CHRNA7: variants seen among roughly 807,000 people sequenced by gnomAD.
CHRNA7 encodes the protein neuronal acetylcholine receptor subunit alpha-7.
A neutral mutation model predicts 48.0 loss-of-function variants in CHRNA7; 17 were observed. That is an observed-to-expected ratio of 0.35 (90% CI 0.24 to 0.53). The LOEUF (loss-of-function observed/expected upper bound fraction) is 0.53, where lower values mean the gene tolerates loss of function less well. CHRNA7 is among the 20% of genes least tolerant of loss of function. The pLI, the probability that CHRNA7 is intolerant of heterozygous loss-of-function variation, is 0.92. For synonymous variants in CHRNA7, 75 were observed against 242.3 expected (o/e 0.31, Z 6.41); for missense variants, 155 against 577.7 (o/e 0.27, Z 7.50).
At chr15:32,105,600 A>T (rs1049495196) in intron 3 of CHRNA7, among the ~76,000 whole-genome samples, 2 of 152,244 alleles carry the variant, frequency 1.3e-5, no homozygotes, top group African/African-American at 2.4e-5. Context: ...TGGTGGTCAG[A>T]TAGTAGAGGC....
intron 2 of CHRNA7, among the ~76,000 whole-genome samples, chr15:32,062,789 C>T (rs2049900407): frequency 6.6e-6 from 1 of 152,128 alleles, no homozygotes; most frequent in Non-Finnish European, 1.5e-5. Flanking sequence ...TAACAACTCC[C>T]AGAACTTGGT....
intron 2 of CHRNA7, among the ~76,000 whole-genome samples, chr15:32,090,503 A>G (rs1199575509): frequency 1.3e-5 from 2 of 152,158 alleles, no homozygotes; most frequent in East Asian, 3.9e-4. Flanking sequence ...TTTAAGCATT[A>G]CCACAAGTTC....
intron 5 of CHRNA7, among the ~76,000 whole-genome samples, chr15:32,154,836 C>T (rs1480942821): frequency 7.7e-6 from 1 of 130,504 alleles, no homozygotes; most frequent in Non-Finnish European, 1.6e-5. Context: ...GCCACTCACA[C>T]ATACCACACA....
At chr15:32,085,982 C>T (rs760132736) in intron 2 of CHRNA7, among the ~76,000 whole-genome samples, 1 of 151,990 alleles carries the variant, frequency 6.6e-6, no homozygotes, top group African/African-American at 2.4e-5. Context: ...CATATTCTAT[C>T]GTTTTACTAC....
At chr15:32,113,506 G>A (rs926076100) in intron 4 of CHRNA7, among the ~76,000 whole-genome samples, 10 of 152,118 alleles carry the variant, frequency 6.6e-5, no homozygotes, top group Admixed American at 2.0e-4. Flanking sequence ...AGAAGTCTCC[G>A]TGTTAATTTT....
intron 2 of CHRNA7, among the ~76,000 whole-genome samples, chr15:32,054,870 C>T (rs148522509): frequency 1.1e-3 from 164 of 152,298 alleles, no homozygotes; most frequent in African/African-American, 3.7e-3. Flanking sequence ...TGTCTTCTGA[C>T]GGACAGGAGT....
At position 32,129,725 on chromosome 15, in the gene CHRNA7, T is replaced by G. The variant is rs191050632; in HGVS notation, c.350+17826T>G. Among the ~76,000 whole-genome samples, 253 of 151,960 alleles carry G rather than the reference T, an allele frequency of 1.7e-3. 6 individuals carry two copies. The highest frequency in any genetic ancestry group is 0.013 in the South Asian group (62 of 4,818). ...TTTTCTCTTCTCCGTGTCAGTGATT[T>G]TATACTTTTATATTTATTATTTACT... On this transcript the variant is annotated intron_variant, in intron 4 of 9. Transcript: ENST00000306901.
chr15:32,051,415 C>T (rs1309360828), intron 2 of CHRNA7, among the ~76,000 whole-genome samples: 2 of 152,156 alleles, frequency 1.3e-5, no homozygotes, highest in Non-Finnish European at 2.9e-5. Flanking sequence ...GCTGTGCTAG[C>T]AATCAGTGAG....
chr15:32,050,417 C>T (rs904381274), intron 2 of CHRNA7, among the ~76,000 whole-genome samples: 2 of 152,216 alleles, frequency 1.3e-5, no homozygotes, highest in African/African-American at 4.8e-5. Context: ...CGCTGATACC[C>T]ATTCTTCCAG....
chr15:32,169,047 A>AGAC lies in CHRNA7; in HGVS notation c.*589_*590insGAC, dbSNP rs1555393384. 6.9e-6 allele frequency: 1 copy of AGAC among 145,420 alleles called. No individual in the cohort carries two copies. Among genetic ancestry groups the AGAC allele is most frequent in the East Asian group, 2.0e-4 (1 of 4,918 alleles). The allele number at this position is 145,420 out of a possible 1,614,324, so 9.0% of individuals were successfully genotyped here. A position where few individuals can be genotyped will look rare whatever the true frequency, so the allele number is the denominator to read the frequency against. On this transcript the variant is annotated 3_prime_UTR_variant, in exon 10 of 10. Transcript: ENST00000306901. The stretch of plus-strand genomic sequence containing the variant: ...GTTTCTACATTAAAAAAAAAAAAAA[A>AGAC]AGACAGACTGTTGGTCTTACTAAGG...
chr15:32,109,314 C>A lies in CHRNA7; in HGVS notation c.241-2476C>A, dbSNP rs541119741. Reference sequence around the variant, plus strand: ...CATGAGGATGACCAGAGGTCACTCTCGTGGCCATCTTGGTTTTGGTGGGAT... The same window carrying A: ...CATGAGGATGACCAGAGGTCACTCTAGTGGCCATCTTGGTTTTGGTGGGAT... On this transcript the variant is annotated intron_variant, in intron 3 of 9. Coordinates refer to ENST00000306901, the MANE Select transcript of CHRNA7 (RefSeq NM_000746.6). Among the ~76,000 whole-genome samples, 6 of 152,256 alleles carry A rather than the reference C, an allele frequency of 3.9e-5. 1 individual carries two copies. In the South Asian group the frequency reaches 1.2e-3, roughly 32 times the overall value.
intron 4 of CHRNA7, among the ~76,000 whole-genome samples, chr15:32,112,545 A>G (rs1404471070): frequency 6.6e-6 from 1 of 152,242 alleles, no homozygotes; most frequent in African/African-American, 2.4e-5. Flanking sequence ...AAGTTTCTAG[A>G]AGCAGTAAAA....
intron 2 of CHRNA7, among the ~76,000 whole-genome samples, chr15:32,045,638 G>A (rs533684787): frequency 9.2e-5 from 14 of 151,848 alleles, no homozygotes; most frequent in African/African-American, 3.4e-4. Context: ...CCGGGTTCCA[G>A]TGATTCTCCT....
At chr15:32,038,806 T>C (rs1426727403) in intron 2 of CHRNA7, among the ~76,000 whole-genome samples, 1 of 152,244 alleles carries the variant, frequency 6.6e-6, no homozygotes, top group Non-Finnish European at 1.5e-5. Flanking sequence ...GTATTTCCTC[T>C]GCTTGTGTAC....
At position 32,076,327 on chromosome 15, in the gene CHRNA7, CTA is replaced by C. The variant is rs2050135586; in HGVS notation, c.196-24974_196-24973del. ...CTTTCAATTTTGTAAGTTTTGTCAT[CTA>C]TGTGTTTTGAAGTTTGATGACACAC... On this transcript the variant is annotated intron_variant, in intron 2 of 9. Coordinates refer to ENST00000306901, the MANE Select transcript of CHRNA7 (RefSeq NM_000746.6). Among the ~76,000 whole-genome samples, 2 of 152,088 alleles carry C rather than the reference CTA, an allele frequency of 1.3e-5. 1 individual carries two copies. The highest frequency in any genetic ancestry group is 4.1e-4 in the South Asian group (2 of 4,830).
intron 2 of CHRNA7, chr15:32,100,020 C>G (rs912257219): frequency 6.6e-6 from 1 of 152,224 alleles, no homozygotes; most frequent in Non-Finnish European, 1.5e-5. Flanking sequence ...CCTGGCCCAT[C>G]TCACCCCAGA....
intron 2 of CHRNA7, among the ~76,000 whole-genome samples, chr15:32,097,600 T>C (rs2050494104): frequency 6.6e-6 from 1 of 152,212 alleles, no homozygotes; most frequent in Non-Finnish European, 1.5e-5. Flanking sequence ...CTATTTTTTA[T>C]AAGCTACCCA....
intron 2 of CHRNA7, among the ~76,000 whole-genome samples, chr15:32,064,863 A>C (rs1400587434): frequency 6.6e-6 from 1 of 152,142 alleles, no homozygotes; most frequent in Non-Finnish European, 1.5e-5. Context: ...TAAAATGCTA[A>C]TATTATGCCA....
chr15:32,137,043 AAAAG>A (rs1343821309), intron 4 of CHRNA7, among the ~76,000 whole-genome samples: 15 of 148,016 alleles, frequency 1.0e-4, no homozygotes, highest in Non-Finnish European at 1.5e-4. Context: ...AAAAAAAAAA[AAAAG>A]AAAAAAAAAA....
Sources: gnomAD v4.1 joint callset for allele counts (sites outside exome capture counted in the v4.1 genomes callset) on GRCh38, gnomAD v4.1.1 for gene constraint, MANE v1.5 for transcripts, NCBI Gene and HGNC (gene_info 2026-07-23, HGNC 2026-07-21) for gene names.